Variants in PTPRK observed in about 807,000 individuals in gnomAD.
PTPRK encodes protein tyrosine phosphatase receptor type K, also known as receptor-type tyrosine-protein phosphatase kappa.
In PTPRK, 75 loss-of-function variants were observed where a neutral mutation model predicts 178.0. The observed-to-expected ratio is 0.42, with a 90% CI of 0.35 to 0.51. The LOEUF (loss-of-function observed/expected upper bound fraction) is 0.51. PTPRK is among the 20% of genes least tolerant of loss of function. The probability of loss-of-function intolerance (pLI) is 0.02; values close to 1 mark genes in which losing one functional copy is unlikely to be tolerated. For missense variants in PTPRK, 1,441 were observed against 1,797.8 expected, an observed-to-expected ratio of 0.80 and a Z score of 3.59; for synonymous variants, 637 against 620.6, an observed-to-expected ratio of 1.03 and a Z score of -0.39.
intron 6 of PTPRK, among the ~76,000 whole-genome samples, chr6:128,205,357 CCATGGGACA>C (rs1452930792): frequency 2.0e-5 from 3 of 151,950 alleles, no homozygotes; most frequent in Non-Finnish European, 2.9e-5. Flanking sequence ...CAGCAAACCA[CCATGGGACA>C]CATTTATGTA....
At chr6:128,475,919 T>C (rs1298072802) in intron 1 of PTPRK, among the ~76,000 whole-genome samples, 1 of 152,082 alleles carries the variant, frequency 6.6e-6, no homozygotes, top group Non-Finnish European at 1.5e-5. Flanking sequence ...GTCAAGTATT[T>C]GTGCAGTATT....
chr6:128,111,356 G>A (rs1307284636), intron 7 of PTPRK, among the ~76,000 whole-genome samples: 2 of 152,076 alleles, frequency 1.3e-5, no homozygotes, highest in Non-Finnish European at 2.9e-5. Context: ...AGAACTGCCA[G>A]TAACTAAATA....
intron 6 of PTPRK, among the ~76,000 whole-genome samples, chr6:128,197,935 C>A (rs1381590384): frequency 2.6e-5 from 4 of 152,132 alleles, no homozygotes; most frequent in Non-Finnish European, 5.9e-5. Context: ...AGACCTAGAA[C>A]ACTTGTTCTA....
intron 6 of PTPRK, among the ~76,000 whole-genome samples, chr6:128,192,877 G>A (rs1804075856): frequency 7.0e-6 from 1 of 143,178 alleles, no homozygotes; most frequent in South Asian, 2.5e-4. Context: ...GCGGGGAGGG[G>A]AGGAGAGGGA....
intron 7 of PTPRK, among the ~76,000 whole-genome samples, chr6:128,098,765 C>A (rs1470334423): frequency 6.6e-6 from 1 of 152,092 alleles, no homozygotes; most frequent in Non-Finnish European, 1.5e-5. Context: ...CTATACTAAT[C>A]TGTTGTGCTG....
chr6:127,990,172 A>T (rs1776443628), intron 21 of PTPRK, among the ~76,000 whole-genome samples: 1 of 152,058 alleles, frequency 6.6e-6, no homozygotes, highest in Admixed American at 6.6e-5. Flanking sequence ...GGCACCACTT[A>T]TCCAATTTTG....
At chr6:128,357,622 T>C (rs1834133554) in intron 2 of PTPRK, among the ~76,000 whole-genome samples, 2 of 152,218 alleles carry the variant, frequency 1.3e-5, no homozygotes, top group South Asian at 2.1e-4. Flanking sequence ...TATTTATATT[T>C]ATAGACTAGT....
chr6:128,471,688 C>T (rs1406872189), intron 1 of PTPRK, among the ~76,000 whole-genome samples: 3 of 147,504 alleles, frequency 2.0e-5, no homozygotes, highest in African/African-American at 5.0e-5. Flanking sequence ...ATGGACCAGG[C>T]AAATGGACTC....
chr6:127,988,989 A>G (rs941588811), intron 21 of PTPRK, among the ~76,000 whole-genome samples: 1 of 152,066 alleles, frequency 6.6e-6, no homozygotes, highest in African/African-American at 2.4e-5. Flanking sequence ...TCTATATAAT[A>G]TAATTTTAGT....
At chr6:128,294,786 T>C (rs1458172685) in intron 3 of PTPRK, among the ~76,000 whole-genome samples, 6 of 152,110 alleles carry the variant, frequency 3.9e-5, no homozygotes, top group South Asian at 2.1e-4. Context: ...GTTTCCATAA[T>C]ATGTGTATAA....
At chr6:128,230,524 T>G (rs927117154) in intron 5 of PTPRK, among the ~76,000 whole-genome samples, 2 of 152,206 alleles carry the variant, frequency 1.3e-5, no homozygotes, top group Non-Finnish European at 2.9e-5. Context: ...TGTGTGATGT[T>G]TACCCGATAT....
At chr6:128,430,487 G>A (rs1018075601) in intron 1 of PTPRK, among the ~76,000 whole-genome samples, 1 of 152,092 alleles carries the variant, frequency 6.6e-6, no homozygotes, top group African/African-American at 2.4e-5. Context: ...CTATATCAGA[G>A]AGTATACTAA....
At chr6:128,204,407 G>C (rs1459545016) in intron 6 of PTPRK, among the ~76,000 whole-genome samples, 1 of 152,010 alleles carries the variant, frequency 6.6e-6, no homozygotes, top group Non-Finnish European at 1.5e-5. Flanking sequence ...CTCAACAAAA[G>C]CAAAAATTGA....
intron 1 of PTPRK, among the ~76,000 whole-genome samples, chr6:128,419,763 C>T (rs748805970): frequency 1.2e-4 from 19 of 152,108 alleles, no homozygotes; most frequent in Non-Finnish European, 2.6e-4. Flanking sequence ...AGGGCAAGAC[C>T]GATTCTGGGG....
At chr6:128,220,711 TAAA>T (rs1167362599) in intron 5 of PTPRK, among the ~76,000 whole-genome samples, 1 of 152,212 alleles carries the variant, frequency 6.6e-6, no homozygotes, top group African/African-American at 2.4e-5. Context: ...TGTTGAACTC[TAAA>T]TTATCTGTGA....
At chr6:128,382,555 G>A (rs894239097) in intron 2 of PTPRK, among the ~76,000 whole-genome samples, 11 of 151,092 alleles carry the variant, frequency 7.3e-5, no homozygotes, top group Non-Finnish European at 1.5e-4. Flanking sequence ...TTACAGGCAC[G>A]CACCACCATG....
chr6:128,192,931 GGGGAAGGA>G (rs1254468440), intron 6 of PTPRK, among the ~76,000 whole-genome samples: 22 of 149,942 alleles, frequency 1.5e-4, no homozygotes, highest in Admixed American at 2.7e-4. Context: ...AAAGGGAGAG[GGGGAAGGA>G]GGGAAGGAGG....
chr6:128,082,953 A>G (rs1407269776), intron 9 of PTPRK, among the ~76,000 whole-genome samples: 2 of 152,098 alleles, frequency 1.3e-5, no homozygotes, highest in African/African-American at 4.8e-5. Context: ...TTTAATGCAT[A>G]TGAAACACAG....
chr6:128,464,878 G>C (rs912288261), intron 1 of PTPRK, among the ~76,000 whole-genome samples: 11 of 149,420 alleles, frequency 7.4e-5, no homozygotes, highest in Non-Finnish European at 1.6e-4. Flanking sequence ...AACACTGCAG[G>C]TCTACAGGAG....
Sources: allele counts gnomAD v4.1 joint callset (sites outside exome capture counted in the v4.1 genomes callset), GRCh38; gene constraint gnomAD v4.1.1; transcripts MANE v1.5; gene names NCBI Gene and HGNC (gene_info 2026-07-23, HGNC 2026-07-21).